Variants in ZNF362 observed in about 807,000 individuals in gnomAD.
ZNF362 encodes rotund homolog.
ZNF362 carries 11 observed loss-of-function variants against 42.9 expected under a neutral mutation model. The ratio of observed to expected loss-of-function variants is 0.26; its 90% CI spans 0.16 to 0.42. ZNF362 has a LOEUF of 0.42. ZNF362 is among the 20% of genes least tolerant of loss of function. The pLI is 1.00. For synonymous variants in ZNF362, 255 were observed against 257.3 expected, an observed-to-expected ratio of 0.99 and a Z score of 0.09; for missense variants, 362 against 576.2, an observed-to-expected ratio of 0.63 and a Z score of 3.81.
chr1:33,181,339 G>A, the ZNF362 span: 3 of 1,582,740 alleles, frequency 1.9e-6, no homozygotes, highest in Admixed American at 5.4e-5. The surrounding 1 kb of genome is among the most constrained non-coding windows in gnomAD (Gnocchi z 6.5). Context: ...ATGCAGCGGC[G>A]GCAGAAGTAA....
chr1:33,187,042 C>G, the ZNF362 span, among the ~76,000 whole-genome samples: 1 of 151,984 alleles, frequency 6.6e-6, no homozygotes, highest in African/African-American at 2.4e-5. Flanking sequence ...CAAAGGGGAA[C>G]TGAAGATTTA....
chr1:33,229,122 G>A, the ZNF362 span, among the ~76,000 whole-genome samples: 1 of 151,930 alleles, frequency 6.6e-6, no homozygotes, highest in Non-Finnish European at 1.5e-5. Context: ...GGTGGGGGTG[G>A]GGTTCCCTGA....
chr1:33,206,340 T>G, the ZNF362 span, among the ~76,000 whole-genome samples: 1 of 148,244 alleles, frequency 6.7e-6, no homozygotes, highest in Non-Finnish European at 1.5e-5. Flanking sequence ...GGCAAAGATT[T>G]ATTGGACATA....
intron 8 of ZNF362, among the ~76,000 whole-genome samples, chr1:33,298,000 C>T (rs1557802022): frequency 1.3e-5 from 2 of 152,302 alleles, no homozygotes; most frequent in Admixed American, 6.5e-5. Context: ...GTTGCCGCCA[C>T]ATTTGAGGGC....
the ZNF362 span, among the ~76,000 whole-genome samples, chr1:33,234,805 A>C: frequency 6.6e-6 from 1 of 152,118 alleles, no homozygotes; most frequent in Admixed American, 6.5e-5. Context: ...TCCCTTCCAG[A>C]GCAGGCATTC....
chr1:33,230,982 A>T, the ZNF362 span, among the ~76,000 whole-genome samples: 3 of 152,224 alleles, frequency 2.0e-5, no homozygotes, highest in Admixed American at 1.3e-4. Context: ...CTAGACTGAA[A>T]ATCTCTAACC....
chr1:33,251,018 C>T, the ZNF362 span, among the ~76,000 whole-genome samples: 1 of 152,014 alleles, frequency 6.6e-6, no homozygotes, highest in African/African-American at 2.4e-5. Flanking sequence ...GACATTTAAG[C>T]CGACATGAGA....
the ZNF362 span, among the ~76,000 whole-genome samples, chr1:33,135,486 T>A: frequency 6.6e-6 from 1 of 152,312 alleles, no homozygotes; most frequent in East Asian, 1.9e-4. Context: ...GGCATTACTA[T>A]TATTTCGACT....
the ZNF362 span, among the ~76,000 whole-genome samples, chr1:33,237,107 G>GT: frequency 1.1e-3 from 170 of 151,898 alleles, 1 homozygote; most frequent in Admixed American, 2.7e-3. Flanking sequence ...ACATCACATC[G>GT]TACCTCATAA....
chr1:33,182,208 C>G, the ZNF362 span: 8 of 152,176 alleles, frequency 5.3e-5, no homozygotes, highest in Non-Finnish European at 8.8e-5. Flanking sequence ...GAAGCGAAGC[C>G]CAGCTGTTCC....
At chr1:33,274,886 C>G in intron 2 of ZNF362, 2 of 925,044 alleles carry the variant, frequency 2.2e-6, no homozygotes, top group Non-Finnish European at 1.3e-6. Flanking sequence ...TGCCTACTTT[C>G]AAGTAAAGAT....
the ZNF362 span, among the ~76,000 whole-genome samples, chr1:33,187,471 G>A: frequency 6.6e-6 from 1 of 152,198 alleles, no homozygotes; most frequent in South Asian, 2.1e-4. Flanking sequence ...GAAGGAAGAG[G>A]AAGAGGTAGA....
chr1:33,251,019 C>T, the ZNF362 span, among the ~76,000 whole-genome samples: 1 of 151,902 alleles, frequency 6.6e-6, no homozygotes, highest in African/African-American at 2.4e-5. Context: ...ACATTTAAGC[C>T]GACATGAGAG....
At chr1:33,138,636 A>G in the ZNF362 span, among the ~76,000 whole-genome samples, 26 of 147,892 alleles carry the variant, frequency 1.8e-4, no homozygotes, top group African/African-American at 5.3e-4. Context: ...CAAAAAAAAA[A>G]AAAAAAAAAG....
chr1:33,159,791 G>GGCTGTA, the ZNF362 span: 1 of 1,613,884 alleles, frequency 6.2e-7, no homozygotes, highest in East Asian at 2.2e-5. The surrounding 1 kb of genome is among the most constrained non-coding windows in gnomAD (Gnocchi z 4.2). Context: ...CGCAGCTGCT[G>GGCTGTA]GCTGTAGCGC....
At chr1:33,165,875 G>C in the ZNF362 span, 1 of 227,788 alleles carries the variant, frequency 4.4e-6, no homozygotes, top group African/African-American at 2.3e-5. This position sits in a 1 kb window ranked among gnomAD's most constrained non-coding sequence, Gnocchi z 4.0. Flanking sequence ...CTGGATCCCC[G>C]CTTAGAATTA....
the ZNF362 span, among the ~76,000 whole-genome samples, chr1:33,243,220 A>G: frequency 1.3e-5 from 2 of 151,942 alleles, no homozygotes; most frequent in Non-Finnish European, 2.9e-5. Flanking sequence ...CAGTGGCGCT[A>G]TCTTGGCTCA....
chr1:33,193,814 C>T, the ZNF362 span, among the ~76,000 whole-genome samples: 893 of 152,168 alleles, frequency 5.9e-3, 10 homozygotes, highest in African/African-American at 0.02. Context: ...TAGGGACTGC[C>T]GAAGAAGAGC....
the ZNF362 span, among the ~76,000 whole-genome samples, chr1:33,154,660 C>T: frequency 6.6e-6 from 1 of 150,846 alleles, no homozygotes; most frequent in South Asian, 2.1e-4. Context: ...TAGCTGGGTG[C>T]AGTGGCGTGT....
Sources: gnomAD v4.1 joint callset for allele counts (sites outside exome capture counted in the v4.1 genomes callset) on GRCh38, gnomAD v4.1.1 for gene constraint, Gnocchi (gnomAD v3.1) non-coding constraint, MANE v1.5 for transcripts, NCBI Gene and HGNC (gene_info 2026-07-23, HGNC 2026-07-21) for gene names.